Variants in FHIT observed in about 807,000 individuals in gnomAD.
FHIT encodes the protein bis(5'-adenosyl)-triphosphatase.
A neutral mutation model predicts 17.9 loss-of-function variants in FHIT; 19 were observed. The observed-to-expected ratio is 1.06, with a 90% confidence interval of 0.74 to 1.56. The LOEUF is 1.56. Among genes scored for constraint, FHIT ranks in the 40% most tolerant of loss-of-function variants. The pLI, the probability that FHIT is intolerant of heterozygous loss-of-function variation, is 0.00. For synonymous variants in FHIT, 81 were observed against 69.7 expected (o/e 1.16, Z -0.81); for missense variants, 248 against 189.2 (o/e 1.31, Z -1.82).
intron 5 of FHIT, among the ~76,000 whole-genome samples, chr3:60,405,420 G>A (rs895618789): frequency 1.3e-5 from 2 of 152,114 alleles, no homozygotes; most frequent in African/African-American, 4.8e-5. Context: ...TCTGGTAGGG[G>A]GACCACCCGC....
chr3:60,249,257 T>C (rs1705563544), intron 5 of FHIT, among the ~76,000 whole-genome samples: 7 of 152,176 alleles, frequency 4.6e-5, no homozygotes, highest in Non-Finnish European at 1.5e-5. Context: ...ACAATTTTTA[T>C]AAACAAAAGT....
intron 4 of FHIT, among the ~76,000 whole-genome samples, chr3:60,704,433 T>C (rs2041322601): frequency 6.6e-6 from 1 of 152,200 alleles, no homozygotes; most frequent in African/African-American, 2.4e-5. Context: ...AAAACAATTT[T>C]CTCTACAGCT....
At chr3:60,253,174 C>A (rs865818007) in intron 5 of FHIT, among the ~76,000 whole-genome samples, 8 of 152,088 alleles carry the variant, frequency 5.3e-5, no homozygotes, top group African/African-American at 1.7e-4. Flanking sequence ...GTGAGCAAAT[C>A]AAAATGCCTA....
intron 7 of FHIT, among the ~76,000 whole-genome samples, chr3:59,971,980 T>A (rs1041852789): frequency 6.6e-6 from 1 of 152,154 alleles, no homozygotes; most frequent in Non-Finnish European, 1.5e-5. Context: ...AACCCCTTCA[T>A]GCTAGGCCCT....
At chr3:60,977,468 G>A (rs1176152868) in intron 3 of FHIT, among the ~76,000 whole-genome samples, 1 of 152,178 alleles carries the variant, frequency 6.6e-6, no homozygotes, top group Non-Finnish European at 1.5e-5. Context: ...CACAGCTATT[G>A]TCTGGATTGA....
intron 1 of FHIT, among the ~76,000 whole-genome samples, chr3:61,212,088 A>G (rs1450567905): frequency 6.6e-6 from 1 of 152,268 alleles, no homozygotes; most frequent in African/African-American, 2.4e-5. Context: ...TCTAAAAAGC[A>G]GAGCGCTTCT....
chr3:59,843,321 C>T (rs1371125301), intron 8 of FHIT, among the ~76,000 whole-genome samples: 1 of 152,130 alleles, frequency 6.6e-6, no homozygotes, highest in Non-Finnish European at 1.5e-5. Flanking sequence ...TTGACTCCTA[C>T]AGTTTACAGT....
chr3:60,838,328 C>T (rs1292210373), intron 3 of FHIT, among the ~76,000 whole-genome samples: 1 of 151,938 alleles, frequency 6.6e-6, no homozygotes, highest in Non-Finnish European at 1.5e-5. Context: ...AAAAATTAGC[C>T]GGGCGTGGTG....
At chr3:60,708,491 C>G (rs2041430726) in intron 4 of FHIT, among the ~76,000 whole-genome samples, 2 of 152,190 alleles carry the variant, frequency 1.3e-5, no homozygotes, top group African/African-American at 4.8e-5. Context: ...ATGAATTTGC[C>G]TGTCTTTGAG....
chr3:60,738,151 G>A lies in FHIT; in HGVS notation c.-18+83768C>T, dbSNP rs117499171. On this transcript the variant is annotated intron_variant, in intron 4 of 9. Transcript: ENST00000492590. ...AGGAGGAGAACATGTGATGTGTGTT[G>A]AAAAGCAGATCGCATGAAAGACCGC... Among the ~76,000 whole-genome samples the A allele has an allele frequency of 5.6e-4, 86 of 152,232 alleles. 2 individuals are homozygous for A. The East Asian group carries it at 0.016, about 28-fold the overall frequency.
At chr3:60,217,070 A>C (rs1183674780) in intron 5 of FHIT, among the ~76,000 whole-genome samples, 2 of 152,224 alleles carry the variant, frequency 1.3e-5, no homozygotes, top group Non-Finnish European at 1.5e-5. Context: ...ATATTAAAGC[A>C]TTAGCATGTT....
At chr3:60,896,280 T>C (rs1207232845) in intron 3 of FHIT, among the ~76,000 whole-genome samples, 2 of 152,122 alleles carry the variant, frequency 1.3e-5, no homozygotes, top group Non-Finnish European at 2.9e-5. Flanking sequence ...GGGAATGCTA[T>C]TTAGAAAGCA....
At chr3:60,495,342 A>G (rs1483609083) in intron 5 of FHIT, among the ~76,000 whole-genome samples, 1 of 152,146 alleles carries the variant, frequency 6.6e-6, no homozygotes, top group Non-Finnish European at 1.5e-5. Flanking sequence ...TTAAGGGAAT[A>G]CTCTTAAAGA....
chr3:60,427,142 C>T (rs1304893582), intron 5 of FHIT, among the ~76,000 whole-genome samples: 1 of 151,908 alleles, frequency 6.6e-6, no homozygotes, highest in Non-Finnish European at 1.5e-5. Flanking sequence ...AATTCAAAGC[C>T]TAAAAGAAAT....
chr3:60,498,225 A>C (rs2034382554), intron 5 of FHIT, among the ~76,000 whole-genome samples: 2 of 152,194 alleles, frequency 1.3e-5, no homozygotes, highest in Non-Finnish European at 2.9e-5. Flanking sequence ...CAATCTTTGA[A>C]AGTAAAGTTT....
intron 4 of FHIT, among the ~76,000 whole-genome samples, chr3:60,606,475 A>T (rs913803067): frequency 6.6e-6 from 1 of 152,082 alleles, no homozygotes; most frequent in Non-Finnish European, 1.5e-5. Context: ...TCCTGAGTTC[A>T]GGCAATCTGC....
At chr3:59,760,303 C>A (rs1488802584) in intron 8 of FHIT, among the ~76,000 whole-genome samples, 1 of 152,144 alleles carries the variant, frequency 6.6e-6, no homozygotes, top group East Asian at 1.9e-4. Flanking sequence ...TAGAAAATCA[C>A]AGTGCTGGAA....
At chr3:60,177,589 A>G (rs554162771) in intron 5 of FHIT, among the ~76,000 whole-genome samples, 7 of 152,306 alleles carry the variant, frequency 4.6e-5, no homozygotes, top group African/African-American at 1.7e-4. Context: ...CACCATGGAG[A>G]AAGGTGTTTA....
chr3:59,914,095 C>A (rs753871129), intron 8 of FHIT, among the ~76,000 whole-genome samples: 1 of 152,064 alleles, frequency 6.6e-6, no homozygotes, highest in Non-Finnish European at 1.5e-5. Context: ...AAAACAAGTA[C>A]AAAGAAACAG....
Sources: gnomAD v4.1 joint callset for allele counts (sites outside exome capture counted in the v4.1 genomes callset) on GRCh38, gnomAD v4.1.1 for gene constraint, MANE v1.5 for transcripts, NCBI Gene and HGNC (gene_info 2026-07-23, HGNC 2026-07-21) for gene names.